The following RASGEF1C variants were observed in gnomAD, a reference collection of about 807,000 sequenced individuals.
RASGEF1C encodes the protein ras-GEF domain-containing family member 1C.
RASGEF1C carries 27 observed loss-of-function variants against 58.1 expected under a neutral mutation model. The ratio of observed to expected loss-of-function variants is 0.46; its 90% CI spans 0.34 to 0.64. RASGEF1C has a LOEUF of 0.64. Among genes scored for constraint, RASGEF1C ranks in the 30% least tolerant of loss-of-function variants. The pLI, the probability that RASGEF1C is intolerant of heterozygous loss-of-function variation, is 0.01. For missense variants in RASGEF1C, 502 were observed against 605.1 expected, an observed-to-expected ratio of 0.83 and a Z score of 1.79; for synonymous variants, 243 against 246.3, an observed-to-expected ratio of 0.99 and a Z score of 0.13.
rs140069880 is a variant in RASGEF1C at position 180,147,957 on chromosome 5, CT to C, written c.-6-9900del. On this transcript the variant is annotated intron_variant, in intron 1 of 13. Transcript: ENST00000361132. ...GAGAGTGAGGTATTGCAGTCTCTGA[CT>C]ATTACTATAGAGCTGTCCATTTCTC... 9.3e-3 allele frequency among the ~76,000 whole-genome samples: 1,418 copies of C among 152,258 alleles called. 8 individuals carry two copies. Among genetic ancestry groups the C allele is most frequent in the Non-Finnish European group, 0.013 (867 of 67,996 alleles).
chr5:180,200,310 C>CTTTTTTTTTTTTT (rs762904367), intron 1 of RASGEF1C, among the ~76,000 whole-genome samples: 1 of 90,218 alleles, frequency 1.1e-5, no homozygotes, highest in Non-Finnish European at 2.1e-5. Flanking sequence ...GTACATCATT[C>CTTTTTTTTTTTTT]TTTTTTTTTT....
rs187488305 is a variant in RASGEF1C at position 180,109,420 on chromosome 5, T to C, written c.1303+2037A>G. On this transcript the variant is annotated intron_variant, in intron 12 of 13. Transcript: ENST00000361132. ...TTGCAGTGAGCCGAGATTGCGCCAC[T>C]GCACTCCAGCCTGGGTGACAGAGCG... Among the ~76,000 whole-genome samples, 74 of 152,184 alleles carry C rather than the reference T, an allele frequency of 4.9e-4. 1 individual carries two copies. Among genetic ancestry groups the C allele is most frequent in the Middle Eastern group, 6.8e-3 (2 of 294 alleles).
chr5:180,176,583 G>T (rs1767228256), intron 1 of RASGEF1C, among the ~76,000 whole-genome samples: 1 of 148,506 alleles, frequency 6.7e-6, no homozygotes, highest in Non-Finnish European at 1.5e-5. Flanking sequence ...TTGAGATGGA[G>T]TCTTGCTCTG....
chr5:180,113,515 G>A (rs375257290), intron 11 of RASGEF1C, among the ~76,000 whole-genome samples: 1 of 55,630 alleles, frequency 1.8e-5, no homozygotes, highest in African/African-American at 7.8e-5. Flanking sequence ...CGGAGGGATC[G>A]GGGATGGACG....
intron 1 of RASGEF1C, among the ~76,000 whole-genome samples, chr5:180,186,852 G>C (rs7737336): frequency 6.6e-6 from 1 of 152,110 alleles, no homozygotes; most frequent in African/African-American, 2.4e-5. Flanking sequence ...TGTAATGCCA[G>C]CTTCTCAGGA....
intron 12 of RASGEF1C, among the ~76,000 whole-genome samples, chr5:180,105,015 C>A (rs965136363): frequency 1.3e-5 from 2 of 152,174 alleles, no homozygotes; most frequent in Non-Finnish European, 2.9e-5. Context: ...AGTACGGAAT[C>A]CTGTATATAC....
chr5:180,128,008 TG>T (rs2113265889), intron 5 of RASGEF1C, among the ~76,000 whole-genome samples: 1 of 152,240 alleles, frequency 6.6e-6, no homozygotes, highest in South Asian at 2.1e-4. Context: ...GCTAGGAGCA[TG>T]GCATCTGGGT....
At chr5:180,202,004 A>G (rs1581133122) in intron 1 of RASGEF1C, among the ~76,000 whole-genome samples, 2 of 152,328 alleles carry the variant, frequency 1.3e-5, no homozygotes, top group Admixed American at 1.3e-4. Context: ...ATTCAGACAC[A>G]TGAAGAAAAT....
chr5:180,190,159 A>C (rs1756121155), intron 1 of RASGEF1C, among the ~76,000 whole-genome samples: 1 of 151,978 alleles, frequency 6.6e-6, no homozygotes, highest in African/African-American at 2.4e-5. Context: ...GTTGGAGGCC[A>C]ACCTGGGCAA....
intron 1 of RASGEF1C, among the ~76,000 whole-genome samples, chr5:180,161,886 GTC>G (rs1766950596): frequency 6.6e-6 from 1 of 152,252 alleles, no homozygotes; most frequent in African/African-American, 2.4e-5. Flanking sequence ...AGGTTCTCCT[GTC>G]TCTTCTCTGC....
chr5:180,124,023 TA>T (rs773912465), intron 6 of RASGEF1C, among the ~76,000 whole-genome samples: 4 of 152,130 alleles, frequency 2.6e-5, no homozygotes, highest in Non-Finnish European at 4.4e-5. Flanking sequence ...TAAATAGTCC[TA>T]AAACCATTAA....
Position 180,154,503 on chromosome 5 carries a change from A to C in RASGEF1C, c.-6-16445T>G, listed in dbSNP as rs143045688. Among the ~76,000 whole-genome samples, 17 of 152,246 alleles carry C rather than the reference A, an allele frequency of 1.1e-4. No homozygotes were observed. In the East Asian group the frequency reaches 3.1e-3, roughly 28 times the overall value. ...AAATGACTACCCACTTTACAGTTGAATAAACCCGGACCCTCAAGGGTAAAG... is the reference window on the plus strand; with the variant it reads ...AAATGACTACCCACTTTACAGTTGACTAAACCCGGACCCTCAAGGGTAAAG... On this transcript the variant is annotated intron_variant, in intron 1 of 13. Coordinates refer to ENST00000361132, the MANE Select transcript of RASGEF1C (RefSeq NM_175062.4).
intron 1 of RASGEF1C, among the ~76,000 whole-genome samples, chr5:180,174,120 G>A (rs796796270): frequency 1.2e-4 from 19 of 152,114 alleles, no homozygotes; most frequent in African/African-American, 2.9e-4. Context: ...AGCCTGGGCC[G>A]TGGTGTGGGC....
chr5:180,155,177 C>T lies in RASGEF1C; in HGVS notation c.-6-17119G>A, dbSNP rs984725309. On this transcript the variant is annotated intron_variant, in intron 1 of 13. Transcript: ENST00000361132. This position sits in a 1 kb window ranked among gnomAD's most constrained non-coding sequence, Gnocchi z 5.2. ...ACCTCAAGGGAGGAAAGCCCCCAACCCTGAGTATGGGTCTGGACTATGCTA... is the reference window on the plus strand; with the variant it reads ...ACCTCAAGGGAGGAAAGCCCCCAACTCTGAGTATGGGTCTGGACTATGCTA... Among the ~76,000 whole-genome samples, 2 of 152,196 alleles carry T rather than the reference C, an allele frequency of 1.3e-5. No homozygotes were observed. The highest frequency in any genetic ancestry group is 4.8e-5 in the African/African-American group (2 of 41,464).
chr5:180,136,589 CG>C, intron 3 of RASGEF1C, 74 bp from the exon 4 acceptor site: 1 of 1,470,514 alleles, frequency 6.8e-7, no homozygotes, highest in Non-Finnish European at 9.1e-7. Flanking sequence ...CGCGTCCTTG[CG>C]GGTCTGGCCG....
intron 3 of RASGEF1C, chr5:180,136,746 G>A (rs367603069): frequency 3.8e-5 from 21 of 558,298 alleles, no homozygotes; most frequent in Non-Finnish European, 5.1e-5. Flanking sequence ...TGCGGTTGAC[G>A]GCTCCATCCT....
intron 1 of RASGEF1C, among the ~76,000 whole-genome samples, chr5:180,181,099 C>T (rs1295855729): frequency 1.3e-5 from 2 of 152,192 alleles, no homozygotes; most frequent in African/African-American, 2.4e-5. Flanking sequence ...CACGTGGCTG[C>T]GGACTACTAG....
chr5:180,174,515 CG>C (rs1307784110), intron 1 of RASGEF1C, among the ~76,000 whole-genome samples: 1 of 144,882 alleles, frequency 6.9e-6, no homozygotes, highest in African/African-American at 2.6e-5. Context: ...TGTGCGTGCG[CG>C]TACACACGTG....
intron 12 of RASGEF1C, among the ~76,000 whole-genome samples, chr5:180,109,516 A>G (rs1765926764): frequency 6.6e-6 from 1 of 152,226 alleles, no homozygotes; most frequent in East Asian, 1.9e-4. Flanking sequence ...TCCAGGTTCT[A>G]ATCCCAGGAC....
Sources: gnomAD v4.1 joint callset for allele counts (sites outside exome capture counted in the v4.1 genomes callset) on GRCh38, gnomAD v4.1.1 for gene constraint, Gnocchi (gnomAD v3.1) non-coding constraint, MANE v1.5 for transcripts, NCBI Gene and HGNC (gene_info 2026-07-23, HGNC 2026-07-21) for gene names.